NSRP1: variants seen among roughly 807,000 people sequenced by gnomAD.
The protein encoded by NSRP1 is nuclear speckle splicing regulatory protein 1.
Under a neutral mutation model 54.7 loss-of-function variants are expected in NSRP1, and 24 were observed. The ratio of observed to expected loss-of-function variants is 0.44; its 90% CI spans 0.32 to 0.62. NSRP1 has a LOEUF of 0.62. Ranked by LOEUF, NSRP1 falls within the 20% of genes least tolerant of loss-of-function variation. NSRP1 has a pLI of 0.06. For synonymous variants in NSRP1, 210 were observed against 213.8 expected (o/e 0.98, Z 0.15); for missense variants, 596 against 651.2 (o/e 0.92, Z 0.92).
chr17:30,173,529 T>C (rs1905029647), intron 3 of NSRP1, among the ~76,000 whole-genome samples: 1 of 151,660 alleles, frequency 6.6e-6, no homozygotes, highest in African/African-American at 2.4e-5. Flanking sequence ...TTTTTCATTT[T>C]GAATTATTTA....
At chr17:30,169,436 A>G (rs1376536156) in intron 2 of NSRP1, among the ~76,000 whole-genome samples, 1 of 152,116 alleles carries the variant, frequency 6.6e-6, no homozygotes, top group African/African-American at 2.4e-5. Flanking sequence ...TCCTGAAGAC[A>G]TCATTAACTC....
intron 2 of NSRP1, among the ~76,000 whole-genome samples, chr17:30,151,606 C>A (rs2071910960): frequency 6.6e-6 from 1 of 152,036 alleles, no homozygotes; most frequent in Non-Finnish European, 1.5e-5. Context: ...ATTGGTCTTA[C>A]TGTTTCTGAG....
intron 2 of NSRP1, among the ~76,000 whole-genome samples, chr17:30,132,245 CAAA>C (rs536072441): frequency 5.3e-5 from 6 of 112,626 alleles, no homozygotes; most frequent in Non-Finnish European, 3.7e-5. Flanking sequence ...GAGACTGTCT[CAAA>C]AAAAAAAAAA....
intron 2 of NSRP1, among the ~76,000 whole-genome samples, chr17:30,123,347 A>T (rs905482126): frequency 2.0e-5 from 3 of 151,916 alleles, no homozygotes; most frequent in Admixed American, 1.3e-4. Context: ...CGAACTCCTG[A>T]CCTTGTGATC....
At chr17:30,157,265 C>T (rs1451436119) in intron 2 of NSRP1, among the ~76,000 whole-genome samples, 2 of 152,072 alleles carry the variant, frequency 1.3e-5, no homozygotes, top group Non-Finnish European at 2.9e-5. Context: ...TTTTTATATA[C>T]CTGTTGGCTA....
chr17:30,118,046 G>A, intron 1 of NSRP1, 34 bp from the exon 2 acceptor site: 1 of 1,501,324 alleles, frequency 6.7e-7, no homozygotes, highest in Non-Finnish European at 9.3e-7. Context: ...TAAACATAAA[G>A]GTTTAATTTC....
intron 5 of NSRP1, among the ~76,000 whole-genome samples, chr17:30,179,922 G>A (rs879731274): frequency 4.9e-5 from 7 of 144,216 alleles, no homozygotes; most frequent in Non-Finnish European, 9.1e-5. Context: ...CTGCAGCCCT[G>A]ACCTCCCAGG....
At chr17:30,158,358 G>T (rs1904388951) in intron 2 of NSRP1, among the ~76,000 whole-genome samples, 1 of 139,698 alleles carries the variant, frequency 7.2e-6, no homozygotes. Flanking sequence ...TCTATATTCT[G>T]GATATTAGTC....
chr17:30,133,662 C>A (rs1245200886), intron 2 of NSRP1, among the ~76,000 whole-genome samples: 1 of 152,198 alleles, frequency 6.6e-6, no homozygotes, highest in African/African-American at 2.4e-5. Flanking sequence ...GCATCTTCTT[C>A]CAATAGAAGG....
intron 6 of NSRP1, among the ~76,000 whole-genome samples, chr17:30,183,036 G>T (rs1336510047): frequency 6.6e-6 from 1 of 152,070 alleles, no homozygotes; most frequent in Admixed American, 6.5e-5. Context: ...TATTTGGCTG[G>T]TGGTTGCCAT....
chr17:30,146,010 C>T (rs2071852181), intron 2 of NSRP1, among the ~76,000 whole-genome samples: 2 of 152,092 alleles, frequency 1.3e-5, no homozygotes, highest in South Asian at 4.2e-4. Flanking sequence ...CCACCATGCC[C>T]AGCTAATTTT....
At chr17:30,167,641 T>C (rs1293206604) in intron 2 of NSRP1, among the ~76,000 whole-genome samples, 1 of 152,126 alleles carries the variant, frequency 6.6e-6, no homozygotes, top group African/African-American at 2.4e-5. Context: ...TGATCTGCTT[T>C]TAATTGTAGT....
chr17:30,156,715 C>T (rs554822332), intron 2 of NSRP1: 1 of 152,254 alleles, frequency 6.6e-6, no homozygotes, highest in Non-Finnish European at 1.5e-5. Flanking sequence ...GACGGGGTTT[C>T]TCCATGTTGA....
chr17:30,169,514 A>ATTAACTATTACTT (rs1327245900), intron 2 of NSRP1, among the ~76,000 whole-genome samples: 1 of 152,108 alleles, frequency 6.6e-6, no homozygotes, highest in Non-Finnish European at 1.5e-5. Context: ...CATTGGAAAT[A>ATTAACTATTACTT]TTAACTATTA....
intron 3 of NSRP1, 126 bp from the exon 4 acceptor site, chr17:30,177,945 A>G (rs775792791): frequency 6.1e-5 from 69 of 1,124,784 alleles, no homozygotes; most frequent in Admixed American, 1.2e-4. Context: ...TGTATTTCCT[A>G]TCTAAAAATG....
chr17:30,146,810 G>C (rs1490129428), intron 2 of NSRP1, among the ~76,000 whole-genome samples: 2 of 151,908 alleles, frequency 1.3e-5, no homozygotes, highest in African/African-American at 4.8e-5. Flanking sequence ...TTGCCCTGTT[G>C]GCCAGGCTGG....
At chr17:30,139,239 G>A (rs62070337) in intron 2 of NSRP1, among the ~76,000 whole-genome samples, 62,475 of 151,722 alleles carry the variant, frequency 0.41, 14,336 homozygotes, top group East Asian at 0.82. Flanking sequence ...TTTTTAATCC[G>A]GGTTTTTGTT....
At chr17:30,124,365 G>C (rs146396511) in intron 2 of NSRP1, among the ~76,000 whole-genome samples, 1 of 152,370 alleles carries the variant, frequency 6.6e-6, no homozygotes, top group African/African-American at 2.4e-5. Context: ...TGTTACTGCT[G>C]TTTCTTTTCC....
At chr17:30,181,132 A>G in intron 6 of NSRP1, 116 bp downstream of exon 6, 1 of 707,774 alleles carries the variant, frequency 1.4e-6, no homozygotes, top group Non-Finnish European at 2.5e-6. Flanking sequence ...TTGTGTTGTC[A>G]GCCAGCCTTA....
Sources: gnomAD v4.1 joint callset for allele counts (sites outside exome capture counted in the v4.1 genomes callset) on GRCh38, gnomAD v4.1.1 for gene constraint, MANE v1.5 for transcripts, NCBI Gene and HGNC (gene_info 2026-07-23, HGNC 2026-07-21) for gene names.